The following DPP10 variants were observed in gnomAD, a reference collection of about 807,000 sequenced individuals.
The protein encoded by DPP10 is inactive dipeptidyl peptidase 10.
Under a neutral mutation model 120.9 loss-of-function variants are expected in DPP10, and 33 were observed. The observed-to-expected ratio is 0.27, with a 90% confidence interval of 0.21 to 0.37. The LOEUF is 0.37. Among genes scored for constraint, DPP10 ranks in the 10% least tolerant of loss-of-function variants. The pLI, the probability that DPP10 is intolerant of heterozygous loss-of-function variation, is 1.00. For synonymous variants in DPP10, 337 were observed against 326.1 expected, an observed-to-expected ratio of 1.03 and a Z score of -0.36; for missense variants, 816 against 942.8, an observed-to-expected ratio of 0.87 and a Z score of 1.76.
intron 5 of DPP10, among the ~76,000 whole-genome samples, chr2:115,669,270 A>C (rs939578176): frequency 2.6e-5 from 4 of 152,154 alleles, no homozygotes; most frequent in East Asian, 1.9e-4. Context: ...TATTGTATTT[A>C]AGTGTTTAAG....
At chr2:114,754,215 C>T (rs1021448849) in intron 1 of DPP10, among the ~76,000 whole-genome samples, 2 of 152,110 alleles carry the variant, frequency 1.3e-5, no homozygotes, top group Non-Finnish European at 2.9e-5. Flanking sequence ...GGATGGGGAA[C>T]AGCATGGGCC....
chr2:114,834,386 C>A (rs1266875895), intron 1 of DPP10, among the ~76,000 whole-genome samples: 2 of 151,040 alleles, frequency 1.3e-5, no homozygotes, highest in Admixed American at 6.6e-5. Flanking sequence ...CATATCTACA[C>A]ACCTATGTAT....
intron 1 of DPP10, among the ~76,000 whole-genome samples, chr2:115,253,427 C>A (rs981670558): frequency 1.3e-5 from 2 of 152,158 alleles, no homozygotes; most frequent in Non-Finnish European, 2.9e-5. Context: ...CTTATTTCAT[C>A]CCAGCATTAA....
At chr2:114,481,064 G>A (rs1009916794) in intron 1 of DPP10, among the ~76,000 whole-genome samples, 2 of 151,650 alleles carry the variant, frequency 1.3e-5, no homozygotes, top group African/African-American at 4.8e-5. Flanking sequence ...GATTTACCAT[G>A]AGACAAATGG....
At chr2:115,163,731 C>T (rs944191851) in intron 1 of DPP10, among the ~76,000 whole-genome samples, 1 of 152,150 alleles carries the variant, frequency 6.6e-6, no homozygotes, top group East Asian at 1.9e-4. Flanking sequence ...GAAAGATTAG[C>T]CAGGTGAGAG....
chr2:114,463,495 C>T (rs1488028345), intron 1 of DPP10: 5 of 152,084 alleles, frequency 3.3e-5, no homozygotes, highest in Non-Finnish European at 5.9e-5. Context: ...GTTCCTTTGC[C>T]CTTTTATCTT....
At chr2:114,500,495 G>A (rs1355373336) in intron 1 of DPP10, among the ~76,000 whole-genome samples, 1 of 152,156 alleles carries the variant, frequency 6.6e-6, no homozygotes, top group East Asian at 1.9e-4. Flanking sequence ...CAAAGTGTTA[G>A]ATCAGATTAG....
chr2:115,337,762 G>A (rs1006291573), intron 2 of DPP10, among the ~76,000 whole-genome samples: 2 of 150,242 alleles, frequency 1.3e-5, no homozygotes, highest in South Asian at 4.2e-4. Context: ...TAAGGAAGGA[G>A]TCTTTATTCT....
At chr2:114,842,176 G>T (rs779347186) in intron 1 of DPP10, among the ~76,000 whole-genome samples, 5 of 152,112 alleles carry the variant, frequency 3.3e-5, no homozygotes, top group Non-Finnish European at 7.4e-5. Context: ...TTTCTGAAAG[G>T]ACCGGAGGTG....
At chr2:114,513,702 T>G (rs1684361060) in intron 1 of DPP10, among the ~76,000 whole-genome samples, 1 of 152,086 alleles carries the variant, frequency 6.6e-6, no homozygotes, top group Non-Finnish European at 1.5e-5. Flanking sequence ...TTAGATTAGA[T>G]GACTAGCTAA....
intron 5 of DPP10, among the ~76,000 whole-genome samples, chr2:115,645,937 T>C (rs553610169): frequency 7.9e-5 from 12 of 152,136 alleles, no homozygotes; most frequent in Non-Finnish European, 1.6e-4. Context: ...ATAAATATCA[T>C]AGACAGGAAA....
At chr2:114,653,001 A>G (rs976533873) in intron 1 of DPP10, among the ~76,000 whole-genome samples, 1 of 142,382 alleles carries the variant, frequency 7.0e-6, no homozygotes, top group Non-Finnish European at 1.5e-5. Flanking sequence ...AGAGAGAGAG[A>G]GAGAGAGAAA....
At chr2:115,488,880 TAAAAAAAAA>T (rs35020299) in intron 3 of DPP10, among the ~76,000 whole-genome samples, 2 of 126,764 alleles carry the variant, frequency 1.6e-5, no homozygotes, top group East Asian at 2.2e-4. Flanking sequence ...TAGAGTATAA[TAAAAAAAAA>T]AAAAAAAAAA....
chr2:115,253,901 AAC>A (rs1409528878), intron 1 of DPP10, among the ~76,000 whole-genome samples: 1 of 152,204 alleles, frequency 6.6e-6, no homozygotes, highest in Non-Finnish European at 1.5e-5. Flanking sequence ...TGGGCCCTCC[AAC>A]CCCATATTTC....
intron 1 of DPP10, among the ~76,000 whole-genome samples, chr2:114,613,780 A>C (rs906963623): frequency 7.9e-5 from 12 of 152,340 alleles, no homozygotes; most frequent in African/African-American, 2.9e-4. Context: ...ATGGAATACT[A>C]TGCAGCCATA....
rs55950813 is a variant in DPP10 at position 115,734,655 on chromosome 2, TAAAAAAAAA to T, written c.698-5065_698-5057del. Among the ~76,000 whole-genome samples, 886 of 100,416 alleles carry T rather than the reference TAAAAAAAAA, an allele frequency of 8.8e-3. 12 individuals are homozygous for T. The highest frequency in any genetic ancestry group is 0.013 in the Non-Finnish European group (688 of 54,924). The allele number at this position is 100,416 out of a possible 152,430, so 65.9% of individuals were successfully genotyped here. A position where few individuals can be genotyped will look rare whatever the true frequency, so the allele number is the denominator to read the frequency against. ...TGGGCAACACAGTGAGACTCTGTCT[TAAAAAAAAA>T]AAAAAAAAAAAAAAAAAAGAACTTA... On this transcript the variant is annotated intron_variant, in intron 8 of 25. Transcript: ENST00000410059.
At chr2:114,653,108 G>A (rs771785123) in intron 1 of DPP10, among the ~76,000 whole-genome samples, 2 of 150,866 alleles carry the variant, frequency 1.3e-5, no homozygotes, top group Non-Finnish European at 2.9e-5. Flanking sequence ...CCTCAAAAAG[G>A]TATGTCTGCA....
rs1457080311 is a variant in DPP10 at position 115,381,218 on chromosome 2, T to A, written c.271+37306T>A. 3.9e-5 allele frequency among the ~76,000 whole-genome samples: 6 copies of A among 152,292 alleles called. No individual in the cohort carries two copies. The East Asian group carries it at 1.2e-3, about 29-fold the overall frequency. On this transcript the variant is annotated intron_variant, in intron 3 of 25. Coordinates refer to ENST00000410059, the MANE Select transcript of DPP10 (RefSeq NM_020868.6). Reference sequence around the variant, plus strand: ...TCAGTCGTAGATTTGGTCTTTTCCCTTAGTCCCATATTTCTTGGAGGCTTT... The same window carrying A: ...TCAGTCGTAGATTTGGTCTTTTCCCATAGTCCCATATTTCTTGGAGGCTTT...
chr2:115,145,058 T>A (rs2051146294), intron 1 of DPP10: 1 of 152,098 alleles, frequency 6.6e-6, no homozygotes, highest in Admixed American at 6.5e-5. Context: ...ATTTGCACTG[T>A]TAACCCTTTG....
Sources: allele counts gnomAD v4.1 joint callset (sites outside exome capture counted in the v4.1 genomes callset), GRCh38; gene constraint gnomAD v4.1.1; transcripts MANE v1.5; gene names NCBI Gene and HGNC (gene_info 2026-07-23, HGNC 2026-07-21).